Variants in RBAK observed in about 807,000 individuals in gnomAD.
RBAK encodes RB-associated KRAB zinc finger protein.
In RBAK, 39 loss-of-function variants were observed where a neutral mutation model predicts 65.8. The observed-to-expected ratio is 0.59, with a 90% CI of 0.46 to 0.77. The LOEUF (loss-of-function observed/expected upper bound fraction) is 0.77. RBAK is among the 30% of genes least tolerant of loss of function. The probability of loss-of-function intolerance (pLI) is 0.00; values close to 1 mark genes in which losing one functional copy is unlikely to be tolerated. For synonymous variants in RBAK, 343 were observed against 289.7 expected, an observed-to-expected ratio of 1.18 and a Z score of -1.87; for missense variants, 884 against 855.1, an observed-to-expected ratio of 1.03 and a Z score of -0.42.
intron 2 of RBAK, among the ~76,000 whole-genome samples, chr7:5,055,265 T>A (rs1216657968): frequency 6.6e-6 from 1 of 151,712 alleles, no homozygotes; most frequent in African/African-American, 2.4e-5. Context: ...TGTGTGTGTG[T>A]GTGTGTGTGT....
intron 2 of RBAK, among the ~76,000 whole-genome samples, chr7:5,049,033 G>C (rs1050935783): frequency 5.9e-5 from 9 of 151,884 alleles, no homozygotes; most frequent in African/African-American, 2.2e-4. Context: ...GCGACACAAA[G>C]CGAAACCATA....
rs1302308718 is a variant in RBAK, at chr7:5,057,296, G to A, written c.17G>A (p.Gly6Glu). 6.2e-7 allele frequency: 1 copy of A among 1,613,808 alleles called. No individual in the cohort carries two copies. The highest frequency in any genetic ancestry group is 1.1e-5 in the South Asian group (1 of 91,076). Reference sequence around the variant, plus strand: ...ATTCTGATCATGTTGCCATTACAGGGGCCAGTGTCATTCAAAGATGTGGCT... The same window carrying A: ...ATTCTGATCATGTTGCCATTACAGGAGCCAGTGTCATTCAAAGATGTGGCT... MNTLQ[G>E]PVSFKDVAVD... The change falls in exon 3 of 5, where the codon GGG (glycine) becomes GAG (glutamate). Residue 6 changes from glycine (G) to glutamate (E), a missense_variant and splice_region_variant. Coordinates refer to ENST00000396912, the MANE Select transcript of RBAK (RefSeq NM_021163.4).
chr7:5,051,480 C>G (rs1309982456), intron 2 of RBAK, among the ~76,000 whole-genome samples: 2 of 152,122 alleles, frequency 1.3e-5, no homozygotes, highest in African/African-American at 4.8e-5. Context: ...TAATTGAATT[C>G]AGGAAATTTA....
intron 2 of RBAK, among the ~76,000 whole-genome samples, chr7:5,052,107 T>A (rs1788129600): frequency 6.6e-6 from 1 of 152,246 alleles, no homozygotes; most frequent in Admixed American, 6.5e-5. Flanking sequence ...AATTAACCAC[T>A]TTGTAAAATG....
chr7:5,063,854 T>C lies in RBAK; in HGVS notation c.398T>C (p.Ile133Thr). 6.2e-7 allele frequency: 1 copy of C among 1,614,052 alleles called. No individual in the cohort carries two copies. The highest frequency in any genetic ancestry group is 8.5e-7 in the Non-Finnish European group (1 of 1,179,976). Residue 133 changes from isoleucine (I) to threonine (T), a missense_variant, in exon 5 of 5, where the codon ATA (isoleucine) becomes ACA (threonine). Coordinates refer to ENST00000396912, the MANE Select transcript of RBAK (RefSeq NM_021163.4). ...METSLVPSSI[I>T]AHNCVSCGKN... ...ACAAGCCTTGTTCCTTCAAGCATAATAGCTCATAATTGTGTCTCATGTGGA... is the reference window on the plus strand; with the variant it reads ...ACAAGCCTTGTTCCTTCAAGCATAACAGCTCATAATTGTGTCTCATGTGGA...
Position 5,065,130 on chromosome 7 carries a change from T to C in RBAK, c.1674T>C (p.Tyr558=), listed in dbSNP as rs761587290. The change falls in exon 5 of 5, where the codon TAT becomes TAC. Residue 558 remains tyrosine, a synonymous_variant. Transcript: ENST00000396912. The surrounding 1 kb of genome is among the most constrained non-coding windows in gnomAD (Gnocchi z 5.3). ...FNELSYYTEH[Y]RSHSEEKPYG... ...AGTTGTCATACTATACTGAACATTA[T>C]AGAAGTCATTCAGAAGAGAAACCTT... The C allele has an allele frequency of 1.2e-6, 2 of 1,613,894 alleles. No homozygotes were observed. Among genetic ancestry groups the C allele is most frequent in the Non-Finnish European group, 1.7e-6 (2 of 1,179,896 alleles).
intron 2 of RBAK, among the ~76,000 whole-genome samples, chr7:5,052,593 A>G (rs1361359133): frequency 6.6e-6 from 1 of 152,226 alleles, no homozygotes; most frequent in African/African-American, 2.4e-5. Flanking sequence ...CTTAAGTGAT[A>G]TACCATTTTT....
At chr7:5,052,716 CGTT>C (rs1788143067) in intron 2 of RBAK, among the ~76,000 whole-genome samples, 2 of 151,832 alleles carry the variant, frequency 1.3e-5, no homozygotes, top group African/African-American at 4.9e-5. Flanking sequence ...GAATCTATTA[CGTT>C]GTTGTTAATT....
chr7:5,057,824 C>G (rs781663972), intron 4 of RBAK, 45 bp downstream of exon 4: 1 of 1,605,940 alleles, frequency 6.2e-7, no homozygotes, highest in Non-Finnish European at 8.5e-7. Flanking sequence ...TCATCCCAGA[C>G]CTTTGGGAGA....
At position 5,067,864 on chromosome 7, in the gene RBAK, A is replaced by G. The variant is rs150530879; in HGVS notation, c.*2263A>G. 2.7e-3 allele frequency: 415 copies of G among 152,314 alleles called. 4 individuals carry two copies. Among genetic ancestry groups the G allele is most frequent in the African/African-American group, 9.3e-3 (387 of 41,566 alleles). 9.4% of individuals were successfully genotyped at this position (152,314 alleles called of 1,614,324 possible). A position where few individuals can be genotyped will look rare whatever the true frequency, so the allele number is the denominator to read the frequency against. On this transcript the variant is annotated 3_prime_UTR_variant, in exon 5 of 5. Coordinates refer to ENST00000396912, the MANE Select transcript of RBAK (RefSeq NM_021163.4). ...TCTTTCCAGTAAATGTACTTTGCCA[A>G]TAAAATTTTGTAATTTGATAAAAAG... is the stretch of plus-strand genomic sequence containing the variant.
chr7:5,062,373 A>G (rs1779099344), intron 4 of RBAK, among the ~76,000 whole-genome samples: 1 of 152,156 alleles, frequency 6.6e-6, no homozygotes, highest in Non-Finnish European at 1.5e-5. Flanking sequence ...AGGTTCTGTG[A>G]TGCTCCACAA....
At position 5,065,575 on chromosome 7, in the gene RBAK, A is replaced by T. The variant is rs200136416; in HGVS notation, c.2119A>T (p.Asn707Tyr). The change falls in exon 5 of 5, where the codon AAC (asparagine) becomes TAC (tyrosine). Residue 707 changes from asparagine to tyrosine, a missense_variant. Physicochemically the swap from Asn to Tyr is moderately radical, Grantham distance 143. Transcript: ENST00000396912. The surrounding 1 kb of genome is among the most constrained non-coding windows in gnomAD (Gnocchi z 5.3). ...HQRIHRRGNM[N>Y]VLDVENL Reference sequence around the variant, plus strand: ...GAGAATTCATAGAAGAGGAAATATGAACGTACTTGATGTGGAAAATCTCTG... The same window carrying T: ...GAGAATTCATAGAAGAGGAAATATGTACGTACTTGATGTGGAAAATCTCTG... 1 of 1,538,328 alleles carries T rather than the reference A, an allele frequency of 6.5e-7. No individual in the cohort carries two copies. The highest frequency in any genetic ancestry group is 8.7e-7 in the Non-Finnish European group (1 of 1,146,022).
Position 5,066,321 on chromosome 7 carries a change from A to G in RBAK, c.*720A>G, listed in dbSNP as rs1779217408. 1 of 152,470 alleles carries G rather than the reference A, an allele frequency of 6.6e-6. No homozygotes were observed. Among genetic ancestry groups the G allele is most frequent in the Non-Finnish European group, 1.5e-5 (1 of 68,016 alleles). 9.4% of individuals were successfully genotyped at this position (152,470 alleles called of 1,614,324 possible). On this transcript the variant is annotated 3_prime_UTR_variant, in exon 5 of 5. Coordinates refer to ENST00000396912, the MANE Select transcript of RBAK (RefSeq NM_021163.4). ...GAATTTACAAATGGGTTTTTAACAA[A>G]TGCCTCATTAGTACAGGAGGCAGTC...
rs115567214 is a variant in RBAK at position 5,068,149 on chromosome 7, G to A, written c.*2548G>A. 1.6e-3 allele frequency: 250 copies of A among 152,198 alleles called. 2 individuals carry two copies. The highest frequency in any genetic ancestry group is 5.8e-3 in the African/African-American group (241 of 41,484). 9.4% of individuals were successfully genotyped at this position (152,198 alleles called of 1,614,324 possible). A position where few individuals can be genotyped will look rare whatever the true frequency, so the allele number is the denominator to read the frequency against. On this transcript the variant is annotated 3_prime_UTR_variant, in exon 5 of 5. Coordinates refer to ENST00000396912, the MANE Select transcript of RBAK (RefSeq NM_021163.4). Reference sequence around the variant, plus strand: ...GACAACAGCACCGAGTATAGCAGAAGTGTTGGCAAACTTTATAAAGCAAGG... The same window carrying A: ...GACAACAGCACCGAGTATAGCAGAAATGTTGGCAAACTTTATAAAGCAAGG...
rs1432937651 is a variant in RBAK, at chr7:5,064,066, C to G, written c.610C>G (p.Pro204Ala). The G allele has an allele frequency of 1.9e-6, 3 of 1,613,460 alleles. No homozygotes were observed. Among genetic ancestry groups the G allele is most frequent in the African/African-American group, 1.3e-5 (1 of 74,948 alleles). ...ILQKISILEKPFEYNECMEAL... is the reference protein window; with the variant it reads ...ILQKISILEKAFEYNECMEAL... ...TCAGAAAATTAGTATTTTGGAGAAA[C>G]CCTTTGAATATAATGAATGCATGGA... The change falls in exon 5 of 5, where the codon CCC becomes GCC. Residue 204 changes from proline to alanine, a missense_variant. Pro to Ala is a conservative substitution (Grantham distance 27). Transcript: ENST00000396912. This position sits in a 1 kb window ranked among gnomAD's most constrained non-coding sequence, Gnocchi z 6.3.
chr7:5,047,073 C>T (rs1445888311), intron 1 of RBAK, among the ~76,000 whole-genome samples: 7 of 152,178 alleles, frequency 4.6e-5, no homozygotes, highest in African/African-American at 7.2e-5. Flanking sequence ...ATTCCTATGG[C>T]TTCTTTGATT....
At position 5,069,267 on chromosome 7, in the gene RBAK, T is replaced by A. The variant is rs1779297643; in HGVS notation, c.*3666T>A. On this transcript the variant is annotated 3_prime_UTR_variant, in exon 5 of 5. Transcript: ENST00000396912. ...GAATTAAATGGCAGATTTTGCATAA[T>A]TCTGTGCAGGAAATACATATTTATA... The A allele has an allele frequency of 6.6e-6, 1 of 152,220 alleles. No homozygotes were observed. Among genetic ancestry groups the A allele is most frequent in the Non-Finnish European group, 1.5e-5 (1 of 68,042 alleles). The allele number at this position is 152,220 out of a possible 1,614,324, so 9.4% of individuals were successfully genotyped here. A position where few individuals can be genotyped will look rare whatever the true frequency, so the allele number is the denominator to read the frequency against.
At chr7:5,054,458 T>G (rs1027024486) in intron 2 of RBAK, among the ~76,000 whole-genome samples, 1 of 152,018 alleles carries the variant, frequency 6.6e-6, no homozygotes, top group African/African-American at 2.4e-5. Flanking sequence ...TTTATTTTTC[T>G]TTCTGTTTTT....
In RBAK at chr7:5,063,477, C is replaced by CTGTGTGTGTGTGTGTGTG. The variant is rs71535175; in HGVS notation, c.239-198_239-181dup. 1.0e-4 allele frequency among the ~76,000 whole-genome samples: 15 copies of CTGTGTGTGTGTGTGTGTG among 147,298 alleles called. No homozygotes were observed. The East Asian group carries it at 1.2e-3, about 12-fold the overall frequency. On this transcript the variant is annotated intron_variant, in intron 4 of 4. Transcript: ENST00000396912. ...CCACTGTCTCACCTTAATTCTTTCA[C>CTGTGTGTGTGTGTGTGTG]TGTGTGTGTGTGTGTGTGTGTGTGT...
Sources: allele counts gnomAD v4.1 joint callset (sites outside exome capture counted in the v4.1 genomes callset), GRCh38; gene constraint gnomAD v4.1.1; non-coding constraint Gnocchi (gnomAD v3.1); transcripts MANE v1.5; gene names NCBI Gene and HGNC (gene_info 2026-07-23, HGNC 2026-07-21).